The following GHR variants were observed in gnomAD, a reference collection of about 807,000 sequenced individuals.
GHR encodes the protein growth hormone receptor.
GHR carries 35 observed loss-of-function variants against 67.1 expected under a neutral mutation model. That is an observed-to-expected ratio of 0.52 (90% CI 0.40 to 0.69). GHR has a LOEUF of 0.69. GHR is among the 30% of genes least tolerant of loss of function. The pLI is 0.00. For missense variants in GHR, 792 were observed against 764.6 expected (o/e 1.04, Z -0.42); for synonymous variants, 272 against 269.1 (o/e 1.01, Z -0.10).
chr5:42,593,179 C>T (rs1473095849), intron 2 of GHR, among the ~76,000 whole-genome samples: 2 of 152,118 alleles, frequency 1.3e-5, no homozygotes, highest in Non-Finnish European at 2.9e-5. Flanking sequence ...TGTGTGATTC[C>T]TTATCATTTT....
intron 1 of GHR, among the ~76,000 whole-genome samples, chr5:42,448,897 T>C (rs2111989971): frequency 6.6e-6 from 1 of 152,276 alleles, no homozygotes; most frequent in Non-Finnish European, 1.5e-5. Flanking sequence ...GGGTGTCCTT[T>C]CCCCACTTCA....
intron 1 of GHR, among the ~76,000 whole-genome samples, chr5:42,481,400 C>T (rs980725797): frequency 1.3e-4 from 20 of 152,174 alleles, no homozygotes; most frequent in African/African-American, 3.9e-4. Flanking sequence ...ATCTTTATGG[C>T]GTTTTCTGTA....
intron 1 of GHR, among the ~76,000 whole-genome samples, chr5:42,542,939 T>C (rs989056739): frequency 6.6e-6 from 1 of 152,146 alleles, no homozygotes; most frequent in African/African-American, 2.4e-5. Context: ...TCCAGCTCCA[T>C]CCAAGTTGCT....
intron 1 of GHR, among the ~76,000 whole-genome samples, chr5:42,531,086 A>G (rs1312029440): frequency 6.6e-6 from 1 of 152,100 alleles, no homozygotes; most frequent in African/African-American, 2.4e-5. Flanking sequence ...TCGCCAAAAC[A>G]GTGAAACCCC....
At chr5:42,580,074 C>A (rs1751075790) in intron 2 of GHR, among the ~76,000 whole-genome samples, 1 of 151,930 alleles carries the variant, frequency 6.6e-6, no homozygotes, top group South Asian at 2.1e-4. Flanking sequence ...TATCAGTAGC[C>A]TTTATATTTG....
At chr5:42,660,131 A>G (rs1046798931) in intron 3 of GHR, among the ~76,000 whole-genome samples, 2 of 152,196 alleles carry the variant, frequency 1.3e-5, no homozygotes, top group Non-Finnish European at 2.9e-5. Context: ...GGAGCCCACA[A>G]CAGCTCAAGG....
chr5:42,615,576 T>C (rs180923647), intron 2 of GHR, among the ~76,000 whole-genome samples: 7 of 152,018 alleles, frequency 4.6e-5, no homozygotes, highest in Non-Finnish European at 2.9e-5. Context: ...AAGAAATAGA[T>C]TTAAAGGAGA....
chr5:42,669,192 G>A (rs560068985), intron 3 of GHR, among the ~76,000 whole-genome samples: 18 of 152,142 alleles, frequency 1.2e-4, no homozygotes, highest in African/African-American at 4.1e-4. Context: ...ACATCAACAG[G>A]TGTTCAATGT....
intron 1 of GHR, among the ~76,000 whole-genome samples, chr5:42,511,926 GCTCCCATT>G (rs1278651031): frequency 2.0e-5 from 3 of 152,132 alleles, no homozygotes; most frequent in African/African-American, 4.8e-5. Context: ...ACCACTCCCT[GCTCCCATT>G]CTAGGAATCC....
At chr5:42,574,138 G>A (rs1383540001) in intron 2 of GHR, among the ~76,000 whole-genome samples, 2 of 152,218 alleles carry the variant, frequency 1.3e-5, no homozygotes, top group Non-Finnish European at 2.9e-5. Flanking sequence ...AGCAAGAAGA[G>A]CCATGCTTTC....
intron 3 of GHR, among the ~76,000 whole-genome samples, chr5:42,640,583 A>G (rs1051682493): frequency 6.6e-6 from 1 of 152,010 alleles, no homozygotes; most frequent in African/African-American, 2.4e-5. Flanking sequence ...AAATTCATGT[A>G]TATTTTTCTG....
intron 3 of GHR, among the ~76,000 whole-genome samples, chr5:42,678,366 A>G (rs1219584909): frequency 6.6e-6 from 1 of 152,204 alleles, no homozygotes; most frequent in Non-Finnish European, 1.5e-5. Context: ...TGTGTGAATC[A>G]TACTAAGCTG....
At chr5:42,592,072 G>T (rs1305860569) in intron 2 of GHR, among the ~76,000 whole-genome samples, 1 of 152,066 alleles carries the variant, frequency 6.6e-6, no homozygotes, top group East Asian at 1.9e-4. Context: ...CAGGGAGCCT[G>T]CAGCAGCAAT....
At chr5:42,562,607 G>C (rs1181042078) in intron 1 of GHR, among the ~76,000 whole-genome samples, 1 of 150,348 alleles carries the variant, frequency 6.7e-6, no homozygotes, top group African/African-American at 2.4e-5. Context: ...ACATTCTATG[G>C]ACATATGTTC....
chr5:42,559,633 C>T (rs1749494477), intron 1 of GHR, among the ~76,000 whole-genome samples: 1 of 152,138 alleles, frequency 6.6e-6, no homozygotes, highest in Non-Finnish European at 1.5e-5. Context: ...AAAGTCTTTT[C>T]CCCCCTCACA....
intron 1 of GHR, among the ~76,000 whole-genome samples, chr5:42,471,433 A>G (rs1291778697): frequency 6.6e-6 from 1 of 152,224 alleles, no homozygotes; most frequent in Non-Finnish European, 1.5e-5. Context: ...TTTTTGATGT[A>G]CTAACATATA....
intron 1 of GHR, among the ~76,000 whole-genome samples, chr5:42,524,184 G>C (rs539886442): frequency 1.2e-4 from 19 of 152,322 alleles, no homozygotes; most frequent in African/African-American, 4.6e-4. Context: ...CTCAGAAGAA[G>C]ACAGGAAAAT....
intron 2 of GHR, among the ~76,000 whole-genome samples, chr5:42,599,270 G>A (rs1426722502): frequency 2.0e-5 from 3 of 151,974 alleles, no homozygotes; most frequent in Non-Finnish European, 4.4e-5. Context: ...AGGGCCATGT[G>A]GACCAGAGAG....
intron 1 of GHR, among the ~76,000 whole-genome samples, chr5:42,437,397 G>A (rs920668985): frequency 3.3e-5 from 5 of 152,150 alleles, no homozygotes; most frequent in Non-Finnish European, 5.9e-5. Flanking sequence ...ACTATTGGAT[G>A]TCCAGAGGAC....
Sources: allele counts gnomAD v4.1 joint callset (sites outside exome capture counted in the v4.1 genomes callset), GRCh38; gene constraint gnomAD v4.1.1; transcripts MANE v1.5; gene names NCBI Gene and HGNC (gene_info 2026-07-23, HGNC 2026-07-21).